Variants in GLI2 observed in about 807,000 individuals in gnomAD.
GLI2 encodes the protein transcription activator GLI2.
A neutral mutation model predicts 78.9 loss-of-function variants in GLI2; 22 were observed. The ratio of observed to expected loss-of-function variants is 0.28; its 90% CI spans 0.20 to 0.40. The LOEUF (loss-of-function observed/expected upper bound fraction) is 0.40, where lower values mean the gene tolerates loss of function less well. Among genes scored for constraint, GLI2 ranks in the 10% least tolerant of loss-of-function variants. GLI2 has a pLI of 1.00. For missense variants in GLI2, 2,097 were observed against 2,213.2 expected (o/e 0.95, Z 1.05); for synonymous variants, 974 against 963.7 (o/e 1.01, Z -0.20).
intron 1 of GLI2, among the ~76,000 whole-genome samples, chr2:120,786,220 C>T (rs1683993299): frequency 6.6e-6 from 1 of 152,228 alleles, no homozygotes; most frequent in African/African-American, 2.4e-5. Flanking sequence ...ATGGGAGGCT[C>T]CTCTCCCTGT....
chr2:120,955,511 T>C, intron 5 of GLI2, 81 bp downstream of exon 5: 1 of 969,554 alleles, frequency 1.0e-6, no homozygotes, highest in Non-Finnish European at 1.5e-6. Flanking sequence ...CTGTTTCTTT[T>C]GGGGACAAGG....
intron 2 of GLI2, among the ~76,000 whole-genome samples, chr2:120,837,393 CAAAA>C (rs768947767): frequency 1.3e-5 from 1 of 76,990 alleles, no homozygotes. Flanking sequence ...GACTCCATCT[CAAAA>C]AAAAAAAAAA....
intron 3 of GLI2, among the ~76,000 whole-genome samples, chr2:120,936,950 C>T (rs757019482): frequency 6.6e-6 from 1 of 152,172 alleles, no homozygotes; most frequent in East Asian, 1.9e-4. Flanking sequence ...ATTGCTGCTG[C>T]CCTCAAGCCT....
chr2:120,864,744 G>A (rs2104652085), intron 2 of GLI2, among the ~76,000 whole-genome samples: 1 of 152,242 alleles, frequency 6.6e-6, no homozygotes, highest in Non-Finnish European at 1.5e-5. Context: ...ACCGCGCCCG[G>A]CCCCATCCTC....
intron 2 of GLI2, among the ~76,000 whole-genome samples, chr2:120,887,903 A>T (rs1301028578): frequency 6.6e-6 from 1 of 152,198 alleles, no homozygotes; most frequent in Non-Finnish European, 1.5e-5. Context: ...AGCTTGGGAC[A>T]TGCATTCACA....
At chr2:120,796,372 C>G (rs1684394200) in intron 1 of GLI2, among the ~76,000 whole-genome samples, 1 of 152,226 alleles carries the variant, frequency 6.6e-6, no homozygotes, top group Non-Finnish European at 1.5e-5. Context: ...CCCCGAAAAG[C>G]CTGCTCTCCG....
At chr2:120,951,843 G>A (rs1681009712) in intron 4 of GLI2, 1 of 168,188 alleles carries the variant, frequency 5.9e-6, no homozygotes, top group Non-Finnish European at 1.3e-5. Flanking sequence ...GTCTCTGTTG[G>A]ATCTGCCCCT....
intron 5 of GLI2, among the ~76,000 whole-genome samples, chr2:120,964,549 C>T (rs948719117): frequency 6.6e-5 from 10 of 152,312 alleles, no homozygotes; most frequent in Non-Finnish European, 1.3e-4. Context: ...CACGAGCCCA[C>T]ACGTAAGTGG....
chr2:120,857,960 C>T (rs1353299292), intron 2 of GLI2, among the ~76,000 whole-genome samples: 1 of 152,178 alleles, frequency 6.6e-6, no homozygotes. Context: ...TTTCTTAGAG[C>T]TCTCCTTGGA....
intron 2 of GLI2, among the ~76,000 whole-genome samples, chr2:120,893,770 C>A (rs990935879): frequency 6.6e-6 from 1 of 152,078 alleles, no homozygotes. Flanking sequence ...CTCTGAACTC[C>A]CTGGCAAAGC....
chr2:120,860,502 G>A (rs1687855869), intron 2 of GLI2, among the ~76,000 whole-genome samples: 1 of 152,224 alleles, frequency 6.6e-6, no homozygotes, highest in South Asian at 2.1e-4. Flanking sequence ...TCCCTTTCGA[G>A]ATTCTGGGAG....
chr2:120,850,297 AG>A, intron 2 of GLI2, among the ~76,000 whole-genome samples: 2 of 29,032 alleles, frequency 6.9e-5, no homozygotes, highest in African/African-American at 4.8e-4. Context: ...AGAGAAGGGG[AG>A]AACAGAACAG....
At chr2:120,847,901 G>A (rs1350624031) in intron 2 of GLI2, among the ~76,000 whole-genome samples, 2 of 152,192 alleles carry the variant, frequency 1.3e-5, no homozygotes, top group Admixed American at 6.5e-5. Flanking sequence ...ATCCCAGAAA[G>A]GGAGAAACCC....
intron 2 of GLI2, among the ~76,000 whole-genome samples, chr2:120,875,685 G>T (rs985239678): frequency 6.6e-6 from 1 of 152,076 alleles, no homozygotes; most frequent in African/African-American, 2.4e-5. Context: ...AATTCTGGGC[G>T]GTCAGGCACG....
chr2:120,796,365 C>T (rs1009846282), intron 1 of GLI2, among the ~76,000 whole-genome samples: 6 of 152,206 alleles, frequency 3.9e-5, no homozygotes, highest in Non-Finnish European at 5.9e-5. Flanking sequence ...CTCCTCTCCC[C>T]GAAAAGCCTG....
At chr2:120,749,787 A>G (rs573933352) in intron 1 of GLI2, among the ~76,000 whole-genome samples, 1 of 152,316 alleles carries the variant, frequency 6.6e-6, no homozygotes, top group East Asian at 1.9e-4. Flanking sequence ...TCCCTCGGGA[A>G]GTGCACATGT....
chr2:120,990,029 G>A lies in GLI2; in HGVS notation c.4064G>A (p.Arg1355Gln), dbSNP rs201915462. Residue 1355 changes from arginine to glutamine, a missense_variant, in exon 14 of 14, where the codon CGG (arginine) becomes CAG (glutamine). Arg to Gln is a conservative substitution (Grantham distance 43, BLOSUM62 1). Around this residue, in one of 5 missense-constraint regions of GLI2, gnomAD observed 1,290 missense variants for 1,261.7 expected, o/e 1.02. Transcript: ENST00000361492. ...ATAGFGLVQPRPPLEPSPTGR... is the reference protein window; with the variant it reads ...ATAGFGLVQPQPPLEPSPTGR... ...GCAGGCTTTGGCCTAGTGCAGCCCC[G>A]GCCTCCCCTCGAGCCCAGCCCCACT... 3.4e-5 allele frequency: 54 copies of A among 1,606,060 alleles called. No individual in the cohort carries two copies. The African/African-American group carries it at 5.3e-4, about 16-fold the overall frequency.
intron 1 of GLI2, among the ~76,000 whole-genome samples, chr2:120,744,868 C>T (rs1682650198): frequency 1.3e-5 from 2 of 152,124 alleles, no homozygotes; most frequent in Non-Finnish European, 2.9e-5. Context: ...AGAATTCCTG[C>T]AGAGTGGGTC....
At chr2:120,784,867 C>T (rs56865686) in intron 1 of GLI2, among the ~76,000 whole-genome samples, 4,965 of 152,260 alleles carry the variant, frequency 0.033, 236 homozygotes, top group African/African-American at 0.11. Flanking sequence ...TGGGTTGGCA[C>T]GGCCTGTTTC....
Sources: allele counts gnomAD v4.1 joint callset (sites outside exome capture counted in the v4.1 genomes callset), GRCh38; gene constraint gnomAD v4.1.1; regional missense constraint gnomAD v4.1.1; transcripts MANE v1.5; gene names NCBI Gene and HGNC (gene_info 2026-07-23, HGNC 2026-07-21).